THRAP3: variants seen among roughly 807,000 people sequenced by gnomAD.
THRAP3 encodes the protein thyroid hormone receptor-associated protein 3.
THRAP3 carries 16 observed loss-of-function variants against 101.0 expected under a neutral mutation model. The observed-to-expected ratio is 0.16, with a 90% CI of 0.11 to 0.24. The LOEUF (loss-of-function observed/expected upper bound fraction) is 0.24. Ranked by LOEUF, THRAP3 falls within the 10% of genes least tolerant of loss-of-function variation. The pLI is 1.00. For missense variants in THRAP3, 989 were observed against 1,202.7 expected, an observed-to-expected ratio of 0.82 and a Z score of 2.63; for synonymous variants, 407 against 422.6, an observed-to-expected ratio of 0.96 and a Z score of 0.45.
intron 2 of THRAP3, among the ~76,000 whole-genome samples, chr1:36,269,642 T>C (rs528913259): frequency 6.6e-6 from 1 of 152,288 alleles, no homozygotes; most frequent in South Asian, 2.1e-4. Context: ...GGAGCAATCA[T>C]TGCTCACTGC....
chr1:36,246,651 G>C (rs1437995911), intron 1 of THRAP3, among the ~76,000 whole-genome samples: 1 of 151,980 alleles, frequency 6.6e-6, no homozygotes, highest in African/African-American at 2.4e-5. Flanking sequence ...GACCATCCTG[G>C]CTAACATGGT....
intron 1 of THRAP3, among the ~76,000 whole-genome samples, chr1:36,232,632 GA>G (rs1645040832): frequency 6.6e-6 from 1 of 152,078 alleles, no homozygotes; most frequent in South Asian, 2.1e-4. Context: ...AGTAAATATT[GA>G]AAAAAGGATG....
At position 36,275,116 on chromosome 1, in the gene THRAP3, T is replaced by TACACACAC. The variant is rs142851565; in HGVS notation, c.-31-7403_-31-7396dup. 2.4e-4 allele frequency among the ~76,000 whole-genome samples: 34 copies of TACACACAC among 139,600 alleles called. No homozygotes were observed. The East Asian group carries it at 2.9e-3, about 12-fold the overall frequency. The allele number at this position is 139,600 out of a possible 152,430, so 91.6% of individuals were successfully genotyped here. ...GTGAAACCCCGTCTCTACTAAAAAA[T>TACACACAC]ACACACACACACACACACACAAAAT... On this transcript the variant is annotated intron_variant, in intron 2 of 11. Transcript: ENST00000354618.
chr1:36,222,025 T>C (rs948766883), upstream of THRAP3, among the ~76,000 whole-genome samples: 1 of 152,086 alleles, frequency 6.6e-6, no homozygotes, highest in African/African-American at 2.4e-5. Flanking sequence ...TTGGCCAGGC[T>C]GGTCTTGAAC....
intron 1 of THRAP3, among the ~76,000 whole-genome samples, chr1:36,249,866 G>A (rs971278122): frequency 2.6e-4 from 40 of 152,092 alleles, no homozygotes; most frequent in African/African-American, 8.7e-4. Context: ...AGTGGTAGAA[G>A]GTGGAGCGAG....
At chr1:36,269,675 A>G (rs989203970) in intron 2 of THRAP3, among the ~76,000 whole-genome samples, 1 of 152,100 alleles carries the variant, frequency 6.6e-6, no homozygotes, top group African/African-American at 2.4e-5. Flanking sequence ...GGCCCAAGCC[A>G]TCCTCTTACC....
At chr1:36,272,493 C>A (rs1397769719) in intron 2 of THRAP3, among the ~76,000 whole-genome samples, 1 of 152,118 alleles carries the variant, frequency 6.6e-6, no homozygotes, top group Non-Finnish European at 1.5e-5. Context: ...GTGTCTTTTA[C>A]TCAGGAGATG....
At chr1:36,294,149 G>A in intron 8 of THRAP3, 1 of 1,305,820 alleles carries the variant, frequency 7.7e-7, no homozygotes, top group South Asian at 2.3e-5. Context: ...TGACCCCAAA[G>A]TCTATTGAGG....
In THRAP3 at chr1:36,303,665, A is replaced by C. The variant is rs1646057988; in HGVS notation, c.2647-131A>C. 1.2e-5 allele frequency: 16 copies of C among 1,388,760 alleles called. No individual in the cohort carries two copies. The South Asian group carries it at 2.2e-4, about 19-fold the overall frequency. The allele number at this position is 1,388,760 out of a possible 1,614,324, so 86.0% of individuals were successfully genotyped here. A position where few individuals can be genotyped will look rare whatever the true frequency, so the allele number is the denominator to read the frequency against. On this transcript the variant is annotated intron_variant, in intron 11 of 11. Coordinates refer to ENST00000354618, the MANE Select transcript of THRAP3 (RefSeq NM_005119.4). ...TGGAGTGGGGGACAGGGAGAAGTGC[A>C]GAAAAGGATCAAAAGGCTGGGTTAG...
intron 1 of THRAP3, among the ~76,000 whole-genome samples, chr1:36,241,577 ATT>A (rs562173564): frequency 3.7e-5 from 5 of 133,442 alleles, no homozygotes; most frequent in East Asian, 2.1e-4. Context: ...ATCCGCTAAA[ATT>A]TTTTTTTTTT....
intron 1 of THRAP3, among the ~76,000 whole-genome samples, chr1:36,250,316 C>G (rs1645284460): frequency 6.6e-6 from 1 of 151,478 alleles, no homozygotes; most frequent in South Asian, 2.1e-4. Context: ...CGGGTTCAAG[C>G]AATTCTTCTG....
chr1:36,298,867 C>T (rs1645993661), intron 9 of THRAP3, among the ~76,000 whole-genome samples: 1 of 152,174 alleles, frequency 6.6e-6, no homozygotes, highest in South Asian at 2.1e-4. Context: ...AATCACTGGC[C>T]TACTGTGGCT....
intron 9 of THRAP3, among the ~76,000 whole-genome samples, chr1:36,298,444 T>C (rs1050541723): frequency 6.6e-6 from 1 of 152,230 alleles, no homozygotes; most frequent in Non-Finnish European, 1.5e-5. Context: ...TGACTTGCGA[T>C]GTGACTTTGA....
At chr1:36,272,612 C>A (rs749617724) in intron 2 of THRAP3, among the ~76,000 whole-genome samples, 7 of 152,226 alleles carry the variant, frequency 4.6e-5, no homozygotes, top group Non-Finnish European at 8.8e-5. Context: ...GTCAGGCCCA[C>A]CCCACTGCTT....
At position 36,289,314 on chromosome 1, in the gene THRAP3, A is replaced by C. The variant is rs1439430318; in HGVS notation, c.1295A>C (p.Asp432Ala). 1 of 1,614,214 alleles carries C rather than the reference A, an allele frequency of 6.2e-7. No individual in the cohort carries two copies. The highest frequency in any genetic ancestry group is 8.5e-7 in the Non-Finnish European group (1 of 1,180,042). ...MADFHKEEMD[D>A]QDKDKAKGRK... ...GACTTCCACAAGGAGGAGATGGATG[A>C]TCAAGATAAGGACAAAGCTAAGGGA... The change falls in exon 5 of 12, where the codon GAT becomes GCT. Residue 432 changes from aspartate (D) to alanine (A), a missense_variant. Transcript: ENST00000354618.
chr1:36,301,766 T>G lies in THRAP3; in HGVS notation c.2646+70T>G, dbSNP rs1023431390. On this transcript the variant is annotated intron_variant, in intron 11 of 11. Transcript: ENST00000354618. Reference sequence around the variant, plus strand: ...ACACAGAGTAGCTGATACCAAGCCTTAATTAGTTTGTCCAAAACTGCGATT... The same window carrying G: ...ACACAGAGTAGCTGATACCAAGCCTGAATTAGTTTGTCCAAAACTGCGATT... 4.6e-6 allele frequency: 7 copies of G among 1,535,870 alleles called. No individual in the cohort carries two copies. The African/African-American group carries it at 9.7e-5, about 21-fold the overall frequency.
At chr1:36,295,235 AGG>A (rs1557456075) in intron 8 of THRAP3, among the ~76,000 whole-genome samples, 1 of 128,274 alleles carries the variant, frequency 7.8e-6, no homozygotes, top group Non-Finnish European at 1.7e-5. Flanking sequence ...AAAAAAAAAA[AGG>A]AAAAAAAAAA....
At chr1:36,222,315 G>A (rs541427578), upstream of THRAP3, among the ~76,000 whole-genome samples, 1 of 152,308 alleles carries the variant, frequency 6.6e-6, no homozygotes, top group Non-Finnish European at 1.5e-5. Flanking sequence ...ATATGCACTG[G>A]GAAACTTGGA....
intron 2 of THRAP3, among the ~76,000 whole-genome samples, chr1:36,272,856 A>G (rs927264948): frequency 6.6e-5 from 10 of 152,232 alleles, no homozygotes; most frequent in African/African-American, 2.4e-4. Context: ...GTGCCTTTGA[A>G]TAAGGTGTAG....
Sources: gnomAD v4.1 joint callset for allele counts (sites outside exome capture counted in the v4.1 genomes callset) on GRCh38, gnomAD v4.1.1 for gene constraint, MANE v1.5 for transcripts, NCBI Gene and HGNC (gene_info 2026-07-23, HGNC 2026-07-21) for gene names.